Variants in GLI3 observed in about 807,000 individuals in gnomAD.
The protein encoded by GLI3 is GLI family zinc finger 3.
Under a neutral mutation model 100.8 loss-of-function variants are expected in GLI3, and 20 were observed. The ratio of observed to expected loss-of-function variants is 0.20; its 90% CI spans 0.14 to 0.29. GLI3 has a LOEUF of 0.29. GLI3 is among the 10% of genes least tolerant of loss of function. The pLI is 1.00. For missense variants in GLI3, 2,040 were observed against 2,128.5 expected (o/e 0.96, Z 0.82); for synonymous variants, 938 against 860.5 (o/e 1.09, Z -1.58).
chr7:42,028,241 T>C (rs1272419936), intron 7 of GLI3, among the ~76,000 whole-genome samples: 1 of 152,222 alleles, frequency 6.6e-6, no homozygotes, highest in Non-Finnish European at 1.5e-5. Context: ...CGACTTTGCA[T>C]GTATCTCCAA....
intron 3 of GLI3, among the ~76,000 whole-genome samples, chr7:42,088,304 T>C (rs1445654804): frequency 6.6e-6 from 1 of 152,210 alleles, no homozygotes; most frequent in East Asian, 1.9e-4. Context: ...TTGCTGGATG[T>C]GCAGATAAAA....
At chr7:41,998,878 T>A (rs1788205869) in intron 10 of GLI3, among the ~76,000 whole-genome samples, 1 of 152,192 alleles carries the variant, frequency 6.6e-6, no homozygotes, top group Non-Finnish European at 1.5e-5. Flanking sequence ...AAATATTAGT[T>A]TTCACCCCAA....
Position 41,972,651 on chromosome 7 carries a change from G to T in GLI3, c.1813-24C>A. The T allele has an allele frequency of 6.3e-7, 1 of 1,594,202 alleles. No individual in the cohort carries two copies. Among genetic ancestry groups the T allele is most frequent in the Non-Finnish European group, 8.5e-7 (1 of 1,174,248 alleles). On this transcript the variant is annotated intron_variant, in intron 12 of 14. Transcript: ENST00000395925. This position sits in a 1 kb window ranked among gnomAD's most constrained non-coding sequence, Gnocchi z 4.4. ...TTCTGCCAAATCCCACAAGAACGAGGTAAGAGATTGTTATGAAAGAGACTA... is the reference window on the plus strand; with the variant it reads ...TTCTGCCAAATCCCACAAGAACGAGTTAAGAGATTGTTATGAAAGAGACTA...
At chr7:42,060,895 G>A (rs903445637) in intron 4 of GLI3, among the ~76,000 whole-genome samples, 1 of 152,128 alleles carries the variant, frequency 6.6e-6, no homozygotes, top group African/African-American at 2.4e-5. Flanking sequence ...AAACTTTTGA[G>A]TCTGAGCCAT....
At chr7:42,092,600 A>G (rs2128757616) in intron 3 of GLI3, among the ~76,000 whole-genome samples, 1 of 152,148 alleles carries the variant, frequency 6.6e-6, no homozygotes, top group Non-Finnish European at 1.5e-5. Context: ...TGAGGTTTGA[A>G]GCCATCTGTC....
At chr7:41,992,116 T>C (rs1405648490) in intron 10 of GLI3, among the ~76,000 whole-genome samples, 1 of 152,208 alleles carries the variant, frequency 6.6e-6, no homozygotes, top group East Asian at 1.9e-4. Flanking sequence ...GGCAGCATCA[T>C]AGAGGCACTA....
chr7:42,025,644 T>G (rs1226060566), intron 8 of GLI3, among the ~76,000 whole-genome samples: 2 of 152,208 alleles, frequency 1.3e-5, no homozygotes, highest in Non-Finnish European at 2.9e-5. Context: ...GCTGAGGCCC[T>G]AGGCTTTAAC....
chr7:42,190,853 T>A (rs1461310120), intron 2 of GLI3, among the ~76,000 whole-genome samples: 1 of 151,928 alleles, frequency 6.6e-6, no homozygotes, highest in East Asian at 1.9e-4. Context: ...CCAGAAAACA[T>A]GATTAGAAAT....
At chr7:42,110,975 TG>T (rs1285202811) in intron 3 of GLI3, among the ~76,000 whole-genome samples, 8 of 152,140 alleles carry the variant, frequency 5.3e-5, no homozygotes, top group Admixed American at 5.2e-4. Context: ...CAGTCAAACT[TG>T]GGTTTGAATC....
chr7:42,218,000 T>C (rs1583656114), intron 2 of GLI3, among the ~76,000 whole-genome samples: 1 of 152,202 alleles, frequency 6.6e-6, no homozygotes, highest in East Asian at 1.9e-4. Context: ...ACTAGAACGC[T>C]GAAAAGTTAA....
At chr7:42,076,542 C>A (rs567885367) in intron 4 of GLI3, among the ~76,000 whole-genome samples, 1 of 152,164 alleles carries the variant, frequency 6.6e-6, no homozygotes, top group Non-Finnish European at 1.5e-5. Flanking sequence ...TACTTGTCGG[C>A]GACCTAGTGT....
intron 3 of GLI3, chr7:42,145,317 A>C: frequency 2.7e-6 from 1 of 367,714 alleles, no homozygotes; most frequent in Non-Finnish European, 4.8e-6. Context: ...ATAATACTAT[A>C]TCTTTTATGT....
At chr7:42,175,104 A>C (rs1174641540) in intron 2 of GLI3, among the ~76,000 whole-genome samples, 1 of 152,090 alleles carries the variant, frequency 6.6e-6, no homozygotes, top group African/African-American at 2.4e-5. Context: ...CCCTGAGACT[A>C]GCTGATCAAA....
chr7:42,200,415 T>G (rs574461412), intron 2 of GLI3, among the ~76,000 whole-genome samples: 1 of 152,162 alleles, frequency 6.6e-6, no homozygotes, highest in Non-Finnish European at 1.5e-5. Flanking sequence ...CCTTCAAATA[T>G]TTGTAAGTAC....
chr7:42,101,133 C>A (rs911077786), intron 3 of GLI3, among the ~76,000 whole-genome samples: 3 of 152,090 alleles, frequency 2.0e-5, no homozygotes, highest in African/African-American at 7.2e-5. Flanking sequence ...TAAATATTGA[C>A]AAGAAACAAA....
At chr7:42,021,058 T>C (rs774189374) in intron 10 of GLI3, among the ~76,000 whole-genome samples, 3 of 152,170 alleles carry the variant, frequency 2.0e-5, no homozygotes, top group Non-Finnish European at 2.9e-5. Context: ...GATATACTCA[T>C]GGGTAAGAAA....
chr7:42,263,718 G>T (rs1445128896), intron 1 of GLI3, among the ~76,000 whole-genome samples: 3 of 152,116 alleles, frequency 2.0e-5, no homozygotes, highest in African/African-American at 4.8e-5. Flanking sequence ...AAAGTGCTGG[G>T]ATTACAGGCG....
At chr7:42,052,083 C>T (rs1784363650) in intron 4 of GLI3, among the ~76,000 whole-genome samples, 1 of 152,206 alleles carries the variant, frequency 6.6e-6, no homozygotes, top group Admixed American at 6.5e-5. Flanking sequence ...AGTATGTAGA[C>T]TTTCCAGATT....
At chr7:42,039,976 G>C (rs1035333165) in intron 7 of GLI3, 62 bp downstream of exon 7, 2 of 1,241,158 alleles carry the variant, frequency 1.6e-6, no homozygotes, top group South Asian at 2.4e-5. Flanking sequence ...CATCACTACA[G>C]GTGCAAACAA....
Sources: gnomAD v4.1 joint callset for allele counts (sites outside exome capture counted in the v4.1 genomes callset) on GRCh38, gnomAD v4.1.1 for gene constraint, Gnocchi (gnomAD v3.1) non-coding constraint, MANE v1.5 for transcripts, NCBI Gene and HGNC (gene_info 2026-07-23, HGNC 2026-07-21) for gene names.